PRDM16: variants seen among roughly 807,000 people sequenced by gnomAD.
PRDM16 encodes PR/SET domain 16.
PRDM16 carries 23 observed loss-of-function variants against 110.6 expected under a neutral mutation model. The ratio of observed to expected loss-of-function variants is 0.21; its 90% CI spans 0.15 to 0.29. The LOEUF is 0.29. PRDM16 is among the 10% of genes least tolerant of loss of function. The probability of loss-of-function intolerance (pLI) is 1.00; values close to 1 mark genes in which losing one functional copy is unlikely to be tolerated. For synonymous variants in PRDM16, 799 were observed against 781.8 expected (o/e 1.02, Z -0.37); for missense variants, 1,615 against 1,794.3 (o/e 0.90, Z 1.81).
At chr1:3,183,407 C>T (rs1436684030) in intron 1 of PRDM16, among the ~76,000 whole-genome samples, 1 of 152,218 alleles carries the variant, frequency 6.6e-6, no homozygotes, top group South Asian at 2.1e-4. Context: ...CCGCTTTCTC[C>T]GGGCTTTAGG....
At chr1:3,289,868 C>T (rs769890275) in intron 3 of PRDM16, among the ~76,000 whole-genome samples, 3 of 150,360 alleles carry the variant, frequency 2.0e-5, no homozygotes, top group Non-Finnish European at 3.0e-5. Context: ...TCCAGGGCAC[C>T]GAGACCCCAC....
At position 3,273,817 on chromosome 1, in the gene PRDM16, A is replaced by AGTGTGT. The variant is rs57550885; in HGVS notation, c.438+29709_438+29714dup. Among the ~76,000 whole-genome samples, 446 of 137,068 alleles carry AGTGTGT rather than the reference A, an allele frequency of 3.3e-3. 4 individuals are homozygous for AGTGTGT. Among genetic ancestry groups the AGTGTGT allele is most frequent in the East Asian group, 0.021 (91 of 4,380 alleles). 89.9% of individuals were successfully genotyped at this position (137,068 alleles called of 152,430 possible). ...GTGTGGCTAACTGCATAGGCATGTAAGTGTGTGTGTGTGTGTGTGTGTGTG... is the reference window on the plus strand; with the variant it reads ...GTGTGGCTAACTGCATAGGCATGTAAGTGTGTGTGTGTGTGTGTGTGTGTGTGTGTG... On this transcript the variant is annotated intron_variant, in intron 3 of 16. Transcript: ENST00000270722.
intron 3 of PRDM16, among the ~76,000 whole-genome samples, chr1:3,252,785 T>C (rs574814179): frequency 6.6e-6 from 1 of 152,088 alleles, no homozygotes; most frequent in Admixed American, 6.5e-5. Context: ...CTGGGACCAC[T>C]GAGCAGCAGT....
chr1:3,405,196 C>G (rs995864939), intron 7 of PRDM16, among the ~76,000 whole-genome samples: 5 of 152,186 alleles, frequency 3.3e-5, no homozygotes, highest in Non-Finnish European at 7.3e-5. Flanking sequence ...GCCTCCACCC[C>G]GAGCCCGCCA....
chr1:3,167,139 C>T (rs575837298), intron 1 of PRDM16, among the ~76,000 whole-genome samples: 4 of 152,102 alleles, frequency 2.6e-5, no homozygotes, highest in Admixed American at 6.5e-5. Flanking sequence ...CTACTACCAC[C>T]GGGGAGCCTG....
Position 3,269,640 on chromosome 1 carries a change from C to T in PRDM16, c.438+25503C>T, listed in dbSNP as rs1311291842. On this transcript the variant is annotated intron_variant, in intron 3 of 16. Transcript: ENST00000270722. ...GCACAGTCCCAGAGGAGCACAGTCC[C>T]GGAGGAGGACAGTTGGGAGGAGGAC... Among the ~76,000 whole-genome samples, 6 of 120,118 alleles carry T rather than the reference C, an allele frequency of 5.0e-5. No homozygotes were observed. The East Asian group carries it at 1.4e-3, about 28-fold the overall frequency. The allele number at this position is 120,118 out of a possible 152,430, so 78.8% of individuals were successfully genotyped here.
intron 1 of PRDM16, among the ~76,000 whole-genome samples, chr1:3,135,784 G>T (rs1039768370): frequency 6.6e-6 from 1 of 152,220 alleles, no homozygotes; most frequent in Admixed American, 6.5e-5. Context: ...CCTCCTCGGA[G>T]CTGGATCCCA....
chr1:3,098,254 C>T (rs1038099560), intron 1 of PRDM16, among the ~76,000 whole-genome samples: 19 of 152,272 alleles, frequency 1.2e-4, no homozygotes, highest in African/African-American at 3.6e-4. Context: ...ATCCTTCTCC[C>T]GGGCTGCACC....
intron 4 of PRDM16, among the ~76,000 whole-genome samples, chr1:3,394,077 G>T (rs903296464): frequency 1.3e-5 from 2 of 152,066 alleles, no homozygotes; most frequent in Non-Finnish European, 2.9e-5. Flanking sequence ...CTCGGAGCCG[G>T]GGTGGGGTCC....
At position 3,102,137 on chromosome 1, in the gene PRDM16, G is replaced by A. The variant is rs770848504; in HGVS notation, c.37+32841G>A. On this transcript the variant is annotated intron_variant, in intron 1 of 16. Transcript: ENST00000270722. ...ACAGCCTCATTCAATGCTCCCAGGA[G>A]CCCCATTTCGCAGTGGAGAACCCAG... is the stretch of plus-strand genomic sequence containing the variant. Among the ~76,000 whole-genome samples the A allele has an allele frequency of 1.2e-4, 18 of 152,222 alleles. 1 individual carries two copies. The highest frequency in any genetic ancestry group is 1.5e-4 in the Non-Finnish European group (10 of 68,040).
chr1:3,106,476 G>T (rs1323063505), intron 1 of PRDM16, among the ~76,000 whole-genome samples: 1 of 152,198 alleles, frequency 6.6e-6, no homozygotes, highest in Non-Finnish European at 1.5e-5. Flanking sequence ...GGATAGCTTT[G>T]CCTGGCTCAC....
chr1:3,420,224 G>A (rs1008290684), intron 12 of PRDM16, among the ~76,000 whole-genome samples: 2 of 152,230 alleles, frequency 1.3e-5, no homozygotes, highest in Non-Finnish European at 2.9e-5. Context: ...CTCAAGGCAG[G>A]TCTGTGCCGA....
intron 1 of PRDM16, among the ~76,000 whole-genome samples, chr1:3,129,247 C>G (rs368864959): frequency 1.4e-5 from 2 of 144,428 alleles, no homozygotes; most frequent in Non-Finnish European, 3.0e-5. Flanking sequence ...CATGTGGGTG[C>G]GTGTGTGTGG....
At chr1:3,427,605 A>G (rs1638646596) in intron 14 of PRDM16, among the ~76,000 whole-genome samples, 1 of 152,098 alleles carries the variant, frequency 6.6e-6, no homozygotes, top group Admixed American at 6.5e-5. Context: ...AGAGGCATCC[A>G]AGCAATAAAC....
intron 16 of PRDM16, among the ~76,000 whole-genome samples, chr1:3,432,980 G>C (rs7349183): frequency 0.21 from 31,962 of 152,198 alleles, 4,068 homozygotes; most frequent in East Asian, 0.37. Flanking sequence ...CCCTGTCCCA[G>C]AGGCAGCTCT....
chr1:3,261,055 A>C (rs779196804), intron 3 of PRDM16, among the ~76,000 whole-genome samples: 67 of 149,820 alleles, frequency 4.5e-4, no homozygotes, highest in Admixed American at 1.0e-3. Context: ...TTCCTGGGCT[A>C]GGGAGGACCC....
intron 5 of PRDM16, among the ~76,000 whole-genome samples, chr1:3,402,047 A>C (rs1349150657): frequency 6.6e-6 from 1 of 152,232 alleles, no homozygotes; most frequent in Non-Finnish European, 1.5e-5. Flanking sequence ...AGATATTCAC[A>C]CTTACGTGTG....
intron 3 of PRDM16, among the ~76,000 whole-genome samples, chr1:3,272,601 C>T (rs898277445): frequency 4.6e-5 from 7 of 152,224 alleles, no homozygotes; most frequent in Non-Finnish European, 1.0e-4. Flanking sequence ...TCATGCTCCA[C>T]CCCAGCTCCC....
intron 1 of PRDM16, among the ~76,000 whole-genome samples, chr1:3,114,914 T>C (rs1416573142): frequency 6.6e-6 from 1 of 152,232 alleles, no homozygotes; most frequent in Non-Finnish European, 1.5e-5. Context: ...GCCCTCAGGG[T>C]GAGGAGAGGC....
Sources: gnomAD v4.1 joint callset for allele counts (sites outside exome capture counted in the v4.1 genomes callset) on GRCh38, gnomAD v4.1.1 for gene constraint, MANE v1.5 for transcripts, NCBI Gene and HGNC (gene_info 2026-07-23, HGNC 2026-07-21) for gene names.